The following EPS8 variants were observed in gnomAD, a reference collection of about 807,000 sequenced individuals.
EPS8 encodes epidermal growth factor receptor kinase substrate 8.
In EPS8, 42 loss-of-function variants were observed where a neutral mutation model predicts 103.8. That is an observed-to-expected ratio of 0.40 (90% CI 0.32 to 0.52). The LOEUF is 0.52. Ranked by LOEUF, EPS8 falls within the 20% of genes least tolerant of loss-of-function variation. The pLI, the probability that EPS8 is intolerant of heterozygous loss-of-function variation, is 0.40. For missense variants in EPS8, 969 were observed against 1,005.1 expected (o/e 0.96, Z 0.49); for synonymous variants, 344 against 344.6 (o/e 1.00, Z 0.02).
chr12:15,760,299 A>C lies in EPS8; in HGVS notation c.-22+28862T>G, dbSNP rs781012916. Among the ~76,000 whole-genome samples, 1 of 152,180 alleles carries C rather than the reference A, an allele frequency of 6.6e-6. No homozygotes were observed. The highest frequency in any genetic ancestry group is 1.5e-5 in the Non-Finnish European group (1 of 67,930). On this transcript the variant is annotated intron_variant, in intron 1 of 20. Coordinates refer to ENST00000281172, the MANE Select transcript of EPS8 (RefSeq NM_004447.6). This position sits in a 1 kb window ranked among gnomAD's most constrained non-coding sequence, Gnocchi z 4.5. ...AGACCAAAAATAAGTAATAAAATTG[A>C]AGGTGTAATAAAAAATCTCCCAGTA...
rs754680901 is a variant in EPS8, at chr12:15,731,454, C to G, written c.-21-48482G>C. 6.6e-6 allele frequency among the ~76,000 whole-genome samples: 1 copy of G among 152,110 alleles called. No homozygotes were observed. The highest frequency in any genetic ancestry group is 2.4e-5 in the African/African-American group (1 of 41,430). The stretch of plus-strand genomic sequence containing the variant: ...CTGGGATTACAGGTGCCTGCCACCA[C>G]GCCTGGCTAATTTTTGTATTTTTAG... On this transcript the variant is annotated intron_variant, in intron 1 of 20. Coordinates refer to ENST00000281172, the MANE Select transcript of EPS8 (RefSeq NM_004447.6). This position sits in a 1 kb window ranked among gnomAD's most constrained non-coding sequence, Gnocchi z 5.1.
intron 17 of EPS8, 24 bp from the exon 18 acceptor site, chr12:15,631,688 T>C (rs1565468427): frequency 6.5e-7 from 1 of 1,538,602 alleles, no homozygotes; most frequent in East Asian, 2.4e-5. Context: ...AATAATTAAC[T>C]TAAAATTTAA....
chr12:15,753,621 C>G lies in EPS8; in HGVS notation c.-22+35540G>C, dbSNP rs78432515. On this transcript the variant is annotated intron_variant, in intron 1 of 20. Coordinates refer to ENST00000281172, the MANE Select transcript of EPS8 (RefSeq NM_004447.6). ...GTTACAAAGTGGCTAAAAGATAACA[C>G]GTAATAAAAACTCTAATGCAAGCAC... Among the ~76,000 whole-genome samples, 1,257 of 152,186 alleles carry G rather than the reference C, an allele frequency of 8.3e-3. 10 individuals carry two copies. Among genetic ancestry groups the G allele is most frequent in the Non-Finnish European group, 0.011 (772 of 68,002 alleles).
At position 15,725,934 on chromosome 12, in the gene EPS8, T is replaced by C. The variant is rs1946648050; in HGVS notation, c.-21-42962A>G. Among the ~76,000 whole-genome samples the C allele has an allele frequency of 6.6e-6, 1 of 152,148 alleles. No individual in the cohort carries two copies. Among genetic ancestry groups the C allele is most frequent in the Admixed American group, 6.5e-5 (1 of 15,270 alleles). On this transcript the variant is annotated intron_variant, in intron 1 of 20. Transcript: ENST00000281172. This position sits in a 1 kb window ranked among gnomAD's most constrained non-coding sequence, Gnocchi z 4.5. ...CAAATACAGGTATAGATACACATAT[T>C]AAAAGTGTACACATAGCACATGCAT...
chr12:15,730,301 C>T (rs1365313910), intron 1 of EPS8, among the ~76,000 whole-genome samples: 1 of 152,142 alleles, frequency 6.6e-6, no homozygotes, highest in African/African-American at 2.4e-5. Flanking sequence ...TTGGTACTTG[C>T]CCAAGACCAC....
At position 15,702,029 on chromosome 12, in the gene EPS8, C is replaced by T. The variant is rs1441435000; in HGVS notation, c.-21-19057G>A. 6.6e-6 allele frequency among the ~76,000 whole-genome samples: 1 copy of T among 152,148 alleles called. No homozygotes were observed. Among genetic ancestry groups the T allele is most frequent in the African/African-American group, 2.4e-5 (1 of 41,434 alleles). ...GGAAACTAGTTTAAATATTAAATGACTACACATGTGAAAAAGAAATTCTTA... is the reference window on the plus strand; with the variant it reads ...GGAAACTAGTTTAAATATTAAATGATTACACATGTGAAAAAGAAATTCTTA... On this transcript the variant is annotated intron_variant, in intron 1 of 20. Transcript: ENST00000281172. The surrounding 1 kb of genome is among the most constrained non-coding windows in gnomAD (Gnocchi z 5.1).
At chr12:15,766,424 C>T (rs112334087) in intron 1 of EPS8, among the ~76,000 whole-genome samples, 1,895 of 150,878 alleles carry the variant, frequency 0.013, 39 homozygotes, top group African/African-American at 0.044. Context: ...ACCCAGGAGG[C>T]GAAGGTTGCA....
chr12:15,659,191 A>T (rs1298113448), intron 10 of EPS8, among the ~76,000 whole-genome samples: 1 of 152,106 alleles, frequency 6.6e-6, no homozygotes, highest in Non-Finnish European at 1.5e-5. Context: ...ATTGTGGATA[A>T]CCTTGATTTC....
chr12:15,668,038 T>G (rs1945747204), intron 6 of EPS8, among the ~76,000 whole-genome samples: 1 of 152,180 alleles, frequency 6.6e-6, no homozygotes, highest in African/African-American at 2.4e-5. Context: ...AACTTAGGCC[T>G]CTGGTTTATA....
chr12:15,640,349 G>GCCATCCT (rs1945207430), intron 17 of EPS8, among the ~76,000 whole-genome samples: 1 of 152,162 alleles, frequency 6.6e-6, no homozygotes, highest in Non-Finnish European at 1.5e-5. Flanking sequence ...TGATATCAGT[G>GCCATCCT]CCATCCTCTA....
In EPS8 at chr12:15,642,977, G is replaced by T. The variant is rs1008009085; in HGVS notation, c.1569-1147C>A. ...TTGGCTATTTTTAGCACATTAAAAA[G>T]AAAATTGGTGGAAAAGGTGAAATTA... On this transcript the variant is annotated intron_variant, in intron 15 of 20. Transcript: ENST00000281172. 7.9e-5 allele frequency among the ~76,000 whole-genome samples: 12 copies of T among 152,232 alleles called. No individual in the cohort carries two copies. In the East Asian group the frequency reaches 9.6e-4, roughly 12 times the overall value.
In EPS8 at chr12:15,647,065, T is replaced by G. The variant is rs1591817036; in HGVS notation, c.1568+62A>C. ...TAGACAATACAGACACTGTCACCTC[T>G]GTTAGCACTAGATCAGAGACATTTA... is the stretch of plus-strand genomic sequence containing the variant. On this transcript the variant is annotated intron_variant, in intron 15 of 20. Coordinates refer to ENST00000281172, the MANE Select transcript of EPS8 (RefSeq NM_004447.6). The G allele has an allele frequency of 1.5e-5, 23 of 1,503,242 alleles. No homozygotes were observed. In the East Asian group the frequency reaches 5.0e-4, roughly 33 times the overall value. The allele number at this position is 1,503,242 out of a possible 1,614,324, so 93.1% of individuals were successfully genotyped here. A position where few individuals can be genotyped will look rare whatever the true frequency, so the allele number is the denominator to read the frequency against.
chr12:15,629,515 C>A (rs1945006769), intron 18 of EPS8, among the ~76,000 whole-genome samples: 2 of 152,324 alleles, frequency 1.3e-5, no homozygotes, highest in East Asian at 3.9e-4. Context: ...AAAACTATGT[C>A]TTTAGTGTAT....
intron 2 of EPS8, among the ~76,000 whole-genome samples, chr12:15,681,728 CAAAAA>C (rs71042267): frequency 2.5e-5 from 1 of 39,228 alleles, no homozygotes; most frequent in African/African-American, 9.5e-5. Flanking sequence ...GACTCTGTCT[CAAAAA>C]AAAAAAAAAA....
chr12:15,668,624 T>A (rs1200816371), intron 6 of EPS8, among the ~76,000 whole-genome samples: 1 of 152,236 alleles, frequency 6.6e-6, no homozygotes, highest in African/African-American at 2.4e-5. Flanking sequence ...CTGGCTCAAC[T>A]ATTTTCACAT....
At chr12:15,623,078 T>G (rs1172069250) in intron 20 of EPS8, 80 bp downstream of exon 20, 2 of 1,368,100 alleles carry the variant, frequency 1.5e-6, no homozygotes, top group Non-Finnish European at 9.8e-7. Flanking sequence ...GAAAGGGAAA[T>G]TGGCCAATAT....
chr12:15,666,475 T>C lies in EPS8; in HGVS notation c.564A>G (p.Lys188=). The change falls in exon 7 of 21, where the codon AAA becomes AAG. Residue 188 remains lysine (K), a synonymous_variant. Transcript: ENST00000281172. ...CGGGCCGCCTCTTCTGTTTCCCTCC[T>C]TTACTGTCACTGATTGCACTTTCAA... ...EDIESAISDS[K]GGKQKRRPDA... is the part of the protein sequence containing the mutation. 1 of 1,614,014 alleles carries C rather than the reference T, an allele frequency of 6.2e-7. No individual in the cohort carries two copies. The highest frequency in any genetic ancestry group is 8.5e-7 in the Non-Finnish European group (1 of 1,179,870).
chr12:15,770,518 AAGGATAGAAAAGAGTC>A (rs1441535908), intron 1 of EPS8, among the ~76,000 whole-genome samples: 20 of 152,248 alleles, frequency 1.3e-4, no homozygotes, highest in Non-Finnish European at 1.9e-4. Flanking sequence ...AATGAGGGGA[AAGGATAGAAAAGAGTC>A]AGACTGAAAA....
intron 15 of EPS8, 87 bp from the exon 16 acceptor site, chr12:15,641,917 C>T: frequency 1.8e-6 from 1 of 548,876 alleles, no homozygotes; most frequent in Non-Finnish European, 3.0e-6. Flanking sequence ...CCAAATCCTA[C>T]CAGAAAACTT....
Sources: allele counts gnomAD v4.1 joint callset (sites outside exome capture counted in the v4.1 genomes callset), GRCh38; gene constraint gnomAD v4.1.1; non-coding constraint Gnocchi (gnomAD v3.1); transcripts MANE v1.5; gene names NCBI Gene and HGNC (gene_info 2026-07-23, HGNC 2026-07-21).